CWH43: variants seen among roughly 807,000 people sequenced by gnomAD.
The protein encoded by CWH43 is PGAP2-interacting protein.
In CWH43, 91 loss-of-function variants were observed where a neutral mutation model predicts 85.7. That is an observed-to-expected ratio of 1.06 (90% CI 0.90 to 1.26). The LOEUF is 1.26. Among genes scored for constraint, CWH43 ranks in the 50% most tolerant of loss-of-function variants. The pLI is 0.00. For synonymous variants in CWH43, 323 were observed against 293.6 expected (o/e 1.10, Z -1.02); for missense variants, 869 against 839.2 (o/e 1.04, Z -0.44).
intron 6 of CWH43, 41 bp downstream of exon 6, chr4:48,998,589 G>A: frequency 2.1e-6 from 3 of 1,435,202 alleles, no homozygotes; most frequent in East Asian, 2.3e-5. Context: ...GACTGAGCTT[G>A]GTTATCCAGT....
At chr4:49,017,152 C>G (rs1009166468) in intron 8 of CWH43, 97 bp from the exon 9 acceptor site, 5 of 999,654 alleles carry the variant, frequency 5.0e-6, no homozygotes, top group Non-Finnish European at 7.7e-6. Context: ...TGGAGGGTGC[C>G]ATGGCACTGG....
In CWH43 at chr4:49,003,992, G is replaced by C. The variant is rs549677413; in HGVS notation, c.1060G>C (p.Gly354Arg). The change falls in exon 7 of 16, where the codon GGG becomes CGG. Residue 354 changes from glycine (G) to arginine (R), a missense_variant and splice_region_variant. By Grantham distance (125) the Gly-to-Arg change is moderately radical. This residue lies in a region of CWH43 where 577 missense variants were observed against 513.1 expected (regional missense o/e 1.12). Transcript: ENST00000226432. The stretch of plus-strand genomic sequence containing the variant: ...TAGAGAAAGATCAGATGTGCTTTTG[G>C]GTGAGTACATTTGAAAGGTCTGGAT... ...YARERSDVLL[G>R]TMMLIIGLNM... The C allele has an allele frequency of 1.2e-6, 2 of 1,607,212 alleles. No individual in the cohort carries two copies. Among genetic ancestry groups the C allele is most frequent in the Non-Finnish European group, 8.5e-7 (1 of 1,178,134 alleles).
chr4:49,050,924 T>G (rs972086377), intron 15 of CWH43, 75 bp downstream of exon 15: 37 of 1,029,710 alleles, frequency 3.6e-5, no homozygotes, highest in Non-Finnish European at 5.1e-5. Flanking sequence ...TACCTCAAAA[T>G]GAGCTAGAAA....
chr4:49,025,673 G>A (rs1577684412), intron 9 of CWH43, among the ~76,000 whole-genome samples: 1 of 152,156 alleles, frequency 6.6e-6, no homozygotes, highest in East Asian at 1.9e-4. Context: ...TGGTACTTGG[G>A]AGTATCTGCA....
At chr4:48,990,013 C>T (rs1403977413) in intron 2 of CWH43, among the ~76,000 whole-genome samples, 1 of 152,168 alleles carries the variant, frequency 6.6e-6, no homozygotes, top group Non-Finnish European at 1.5e-5. Flanking sequence ...TGGGAGTGAT[C>T]TCATAGGTGG....
At chr4:49,027,533 C>T (rs141377888) in intron 9 of CWH43, among the ~76,000 whole-genome samples, 3 of 151,972 alleles carry the variant, frequency 2.0e-5, no homozygotes, top group Non-Finnish European at 2.9e-5. Context: ...CTGTTTTTAC[C>T]GTTTTAAAAA....
chr4:49,022,372 A>T (rs1034142141), intron 9 of CWH43, among the ~76,000 whole-genome samples: 3 of 152,084 alleles, frequency 2.0e-5, no homozygotes, highest in Non-Finnish European at 4.4e-5. Flanking sequence ...CTGATGTTAA[A>T]CCATCCCTGC....
At chr4:49,029,525 G>T (rs1365452805) in intron 10 of CWH43, among the ~76,000 whole-genome samples, 1 of 152,200 alleles carries the variant, frequency 6.6e-6, no homozygotes, top group East Asian at 1.9e-4. Flanking sequence ...CACCCGTAAA[G>T]GGTCTGTGCT....
rs749053330 is a variant in CWH43, at chr4:49,038,046, G to T, written c.1669G>T (p.Asp557Tyr). 1.3e-6 allele frequency: 2 copies of T among 1,598,696 alleles called. No homozygotes were observed. The highest frequency in any genetic ancestry group is 1.7e-6 in the Non-Finnish European group (2 of 1,175,304). ...THFGNHEDDL[D>Y]RKLQAIAVSK... ...TTTTACATTTTTTAGAGATGACCTCGACAGGAAACTGCAGGCTATTGCTGT... is the reference window on the plus strand; with the variant it reads ...TTTTACATTTTTTAGAGATGACCTCTACAGGAAACTGCAGGCTATTGCTGT... The change falls in exon 13 of 16, where the codon GAC (aspartate) becomes TAC (tyrosine). Residue 557 changes from aspartate (D) to tyrosine (Y), a missense_variant. Asp to Tyr is a radical substitution (Grantham distance 160). This residue lies in a region of CWH43 where 577 missense variants were observed against 513.1 expected (regional missense o/e 1.12). Coordinates refer to ENST00000226432, the MANE Select transcript of CWH43 (RefSeq NM_025087.3).
intron 12 of CWH43, among the ~76,000 whole-genome samples, chr4:49,036,216 T>C (rs1406319325): frequency 3.9e-5 from 6 of 152,124 alleles, no homozygotes; most frequent in East Asian, 1.9e-4. Context: ...ATGCCTCCGA[T>C]TGGCCAAACC....
intron 9 of CWH43, among the ~76,000 whole-genome samples, chr4:49,020,384 T>TACAC (rs35489918): frequency 0.022 from 2,619 of 120,146 alleles, 104 homozygotes; most frequent in African/African-American, 0.067. Context: ...AGTATTCCAT[T>TACAC]ACACACACAC....
At chr4:49,050,087 CT>C (rs1784747556) in intron 14 of CWH43, among the ~76,000 whole-genome samples, 3 of 152,188 alleles carry the variant, frequency 2.0e-5, no homozygotes, top group South Asian at 4.1e-4. Context: ...TGACCTAAGT[CT>C]TTTTTTCTGG....
chr4:49,025,893 G>A (rs1352764989), intron 9 of CWH43, among the ~76,000 whole-genome samples: 3 of 152,100 alleles, frequency 2.0e-5, no homozygotes, highest in African/African-American at 7.2e-5. Flanking sequence ...CAGGTGGTGG[G>A]TGGGGCCATG....
At chr4:48,997,660 C>T (rs1333530321) in intron 5 of CWH43, among the ~76,000 whole-genome samples, 1 of 152,136 alleles carries the variant, frequency 6.6e-6, no homozygotes, top group African/African-American at 2.4e-5. Context: ...ATTTTAGATT[C>T]TTAGTCCTAT....
chr4:49,038,019 A>AT lies in CWH43; in HGVS notation c.1659-12dup. On this transcript the variant is annotated splice_polypyrimidine_tract_variant and intron_variant, in intron 12 of 15. Coordinates refer to ENST00000226432, the MANE Select transcript of CWH43 (RefSeq NM_025087.3). ...TTTTACAAATACAATAAAGGGTCATATTTTTACATTTTTTAGAGATGACCT... is the reference window on the plus strand; with the variant it reads ...TTTTACAAATACAATAAAGGGTCATATTTTTTACATTTTTTAGAGATGACCT... 1.3e-6 allele frequency: 2 copies of AT among 1,587,538 alleles called. No homozygotes were observed.
At chr4:49,016,906 T>G (rs1246630550) in intron 8 of CWH43, 1 of 784,720 alleles carries the variant, frequency 1.3e-6, no homozygotes, top group African/African-American at 1.7e-5. Context: ...CTGCAGTCTT[T>G]GATTATGCCA....
chr4:49,007,826 A>G (rs1485523581), intron 8 of CWH43, among the ~76,000 whole-genome samples: 1 of 152,182 alleles, frequency 6.6e-6, no homozygotes, highest in Non-Finnish European at 1.5e-5. Flanking sequence ...GCTGCCTAGT[A>G]TTCCATGGTG....
intron 9 of CWH43, among the ~76,000 whole-genome samples, chr4:49,021,947 T>C (rs577046130): frequency 6.6e-6 from 1 of 152,232 alleles, no homozygotes; most frequent in Admixed American, 6.5e-5. Context: ...TCTAGGAGCT[T>C]TTTGGTGGAG....
rs780320851 is a variant in CWH43, at chr4:48,986,457, T to C, written c.28T>C (p.Leu10=). The C allele has an allele frequency of 1.9e-6, 3 of 1,550,840 alleles. No homozygotes were observed. The South Asian group carries it at 3.6e-5, about 18-fold the overall frequency. ...GCCCTCGCTGTGGAGAGAAATCCTC[T>C]TGGAGTCGCTGCTGGGTAAGCCGAA... MPSLWREIL[L]ESLLGCVSWS... The change falls in exon 1 of 16, where the codon TTG becomes CTG. Residue 10 remains leucine, a synonymous_variant. Transcript: ENST00000226432.
Sources: gnomAD v4.1 joint callset for allele counts (sites outside exome capture counted in the v4.1 genomes callset) on GRCh38, gnomAD v4.1.1 for gene constraint, gnomAD v4.1.1 regional missense constraint, MANE v1.5 for transcripts, NCBI Gene and HGNC (gene_info 2026-07-23, HGNC 2026-07-21) for gene names.